Variants in OBSL1 observed in about 807,000 individuals in gnomAD.
OBSL1 encodes the protein obscurin-like protein 1.
In OBSL1, 160 loss-of-function variants were observed where a neutral mutation model predicts 172.0. The observed-to-expected ratio is 0.93, with a 90% CI of 0.82 to 1.06. OBSL1 has a LOEUF of 1.06. Ranked by LOEUF, OBSL1 falls within the 50% of genes least tolerant of loss-of-function variation. The probability of loss-of-function intolerance (pLI) is 0.00; values close to 1 mark genes in which losing one functional copy is unlikely to be tolerated. For missense variants in OBSL1, 2,681 were observed against 2,715.4 expected, an observed-to-expected ratio of 0.99 and a Z score of 0.28; for synonymous variants, 1,200 against 1,196.3, an observed-to-expected ratio of 1.00 and a Z score of -0.06.
At chr2:219,570,200 A>G in intron 1 of OBSL1, 21 bp downstream of exon 1, 1 of 1,512,048 alleles carries the variant, frequency 6.6e-7, no homozygotes, top group Non-Finnish European at 8.8e-7. Flanking sequence ...GCCCCTCCCT[A>G]GGTCCCGGGC....
At chr2:219,547,739 C>T (rs1181565100), downstream of OBSL1, 1 of 1,592,266 alleles carries the variant, frequency 6.3e-7, no homozygotes, top group Non-Finnish European at 8.5e-7. Flanking sequence ...AGCTGCTGCC[C>T]TGCTGGGCTC....
At chr2:219,549,177 C>A (rs146490860), downstream of OBSL1, 4 of 1,613,944 alleles carry the variant, frequency 2.5e-6, no homozygotes, top group South Asian at 1.1e-5. Context: ...AGCGCCGACG[C>A]GTGCAACTGA....
rs1374131088 is a variant in OBSL1, at chr2:219,552,991, G to C, written c.5023C>G (p.Arg1675Gly). 1 of 1,527,116 alleles carries C rather than the reference G, an allele frequency of 6.5e-7. No individual in the cohort carries two copies. The highest frequency in any genetic ancestry group is 8.8e-7 in the Non-Finnish European group (1 of 1,142,008). 94.6% of individuals were successfully genotyped at this position (1,527,116 alleles called of 1,614,324 possible). A position where few individuals can be genotyped will look rare whatever the true frequency, so the allele number is the denominator to read the frequency against. The part of the protein sequence containing the change: ...GNALTPSPRL[R>G]LQALGTRRLL... ...CGGCGCGTGCCGAGGGCCTGGAGCC[G>C]GAGCCGCGGGCTAGGCGTAAGCGCG... is the stretch of plus-strand genomic sequence containing the variant. The change falls in exon 17 of 21, where the codon CGG (arginine) becomes GGG (glycine). Residue 1675 changes from arginine (R) to glycine (G), a missense_variant. Physicochemically the swap from Arg to Gly is moderately radical, Grantham distance 125. Transcript: ENST00000404537.
At position 219,552,609 on chromosome 2, in the gene OBSL1, G is replaced by A; in HGVS notation, c.5235C>T (p.Val1745=). The A allele has an allele frequency of 6.3e-7, 1 of 1,577,078 alleles. No homozygotes were observed. Among genetic ancestry groups the A allele is most frequent in the Non-Finnish European group, 8.6e-7 (1 of 1,167,938 alleles). The change falls in exon 18 of 21, where the codon GTC becomes GTT. Residue 1745 remains valine, a synonymous_variant. Coordinates refer to ENST00000404537, the MANE Select transcript of OBSL1 (RefSeq NM_015311.3). ...CGAGCTCCCAGCGCCCCGTGGTCTC[G>A]ACCTCCGACACGGTGCACTCGAACG... ...GATFECTVSE[V]ETTGRWELGG...
Position 219,557,363 on chromosome 2 carries a change from A to T in OBSL1, c.4046T>A (p.Ile1349Asn). The T allele has an allele frequency of 6.6e-7, 1 of 1,510,516 alleles. No individual in the cohort carries two copies. Among genetic ancestry groups the T allele is most frequent in the Admixed American group, 2.1e-5 (1 of 48,758 alleles). The allele number at this position is 1,510,516 out of a possible 1,614,324, so 93.6% of individuals were successfully genotyped here. A position where few individuals can be genotyped will look rare whatever the true frequency, so the allele number is the denominator to read the frequency against. Reference protein sequence around the residue: ...YLCDAPQDSRIFLVSVEEPLL... With the variant: ...YLCDAPQDSRNFLVSVEEPLL... ...GTTACCTTCCACGCTGACAAGGAAG[A>T]TGCGGCTGTCCTGGGGCGCATCGCA... The change falls in exon 12 of 21, where the codon ATC (isoleucine) becomes AAC (asparagine). Residue 1349 changes from isoleucine (I) to asparagine (N), a missense_variant. Transcript: ENST00000404537.
intron 9 of OBSL1, 30 bp downstream of exon 9, chr2:219,559,195 C>T (rs780873316): frequency 3.8e-6 from 6 of 1,567,180 alleles, no homozygotes; most frequent in Non-Finnish European, 5.2e-6. Flanking sequence ...TACCTCTCTA[C>T]CTCCTCTCTG....
At position 219,570,805 on chromosome 2, in the gene OBSL1, GC is replaced by G. The variant is rs1292663596; in HGVS notation, c.427del (p.Ala143ArgfsTer5). The G allele has an allele frequency of 4.0e-6, 6 of 1,489,726 alleles. No individual in the cohort carries two copies. The highest frequency in any genetic ancestry group is 2.9e-5 in the East Asian group (1 of 34,174). The allele number at this position is 1,489,726 out of a possible 1,614,324, so 92.3% of individuals were successfully genotyped here. ...GPRSQWVLRG[A>X]EVVLTCRAGG... ...CGCCCGGCACGTCAGCACCACCTCCGCCCCCCGCAGCACCCACTGGGATCGA... is the reference window on the plus strand; with the variant it reads ...CGCCCGGCACGTCAGCACCACCTCCGCCCCCGCAGCACCCACTGGGATCGA... On this transcript the variant is annotated frameshift_variant, in exon 1 of 21. Coordinates refer to ENST00000404537, the MANE Select transcript of OBSL1 (RefSeq NM_015311.3). LOFTEE classifies it high-confidence loss of function.
At position 219,557,935 on chromosome 2, in the gene OBSL1, G is replaced by A. The variant is rs1444575773; in HGVS notation, c.3678C>T (p.Pro1226=). The change falls in exon 11 of 21, where the codon CCC becomes CCT. Residue 1226 remains proline, a synonymous_variant. Transcript: ENST00000404537. The part of the protein sequence containing the change: ...GEGLELHAEG[P]RRVLCIQAAG... Reference sequence around the variant, plus strand: ...CAGCCTGGATGCAGAGGACTCGGCGGGGGCCCTCGGCATGGAGCTCTAGGC... The same window carrying A: ...CAGCCTGGATGCAGAGGACTCGGCGAGGGCCCTCGGCATGGAGCTCTAGGC... The A allele has an allele frequency of 6.2e-7, 1 of 1,605,646 alleles. No individual in the cohort carries two copies. The highest frequency in any genetic ancestry group is 2.2e-5 in the East Asian group (1 of 44,826).
intron 8 of OBSL1, chr2:219,561,894 C>T: frequency 4.2e-6 from 3 of 717,444 alleles, no homozygotes; most frequent in Middle Eastern, 4.6e-4. Context: ...CTACTCAGTG[C>T]CAGCTGTTCG....
intron 6 of OBSL1, among the ~76,000 whole-genome samples, 164 bp downstream of exon 6, chr2:219,565,078 A>G (rs1381868770): frequency 6.6e-6 from 1 of 152,210 alleles, no homozygotes; most frequent in African/African-American, 2.4e-5. Context: ...AAAAAAAACA[A>G]GAAACAAAAA....
chr2:219,563,498 T>C lies in OBSL1; in HGVS notation c.2537A>G (p.Glu846Gly). Residue 846 changes from glutamate to glycine, a missense_variant, in exon 7 of 21, where the codon GAG (glutamate) becomes GGG (glycine). By Grantham distance (98) the Glu-to-Gly change is moderately conservative. This residue lies in a region of OBSL1 where 1,765 missense variants were observed against 1,748.3 expected (regional missense o/e 1.01). Transcript: ENST00000404537. The part of the protein sequence containing the change: ...APVRWYKDGQ[E>G]VEESDFVVLE... Reference sequence around the variant, plus strand: ...CACCACGAAGTCACTCTCCTCCACCTCCTGCCCGTCCTTGTACCAACGCAC... The same window carrying C: ...CACCACGAAGTCACTCTCCTCCACCCCCTGCCCGTCCTTGTACCAACGCAC... 1 of 1,613,694 alleles carries C rather than the reference T, an allele frequency of 6.2e-7. No homozygotes were observed. The highest frequency in any genetic ancestry group is 8.5e-7 in the Non-Finnish European group (1 of 1,179,820).
chr2:219,556,656 C>A lies in OBSL1; in HGVS notation c.4134G>T (p.Thr1378=), dbSNP rs781561827. The change falls in exon 13 of 21, where the codon ACG becomes ACT. Residue 1378 remains threonine, a synonymous_variant. Transcript: ENST00000404537. Reference sequence around the variant, plus strand: ...CTGGTGGGGAGACTTCACACCGGAACGTGGCATCATCGCCCTCGTGGACAG... The same window carrying A: ...CTGGTGGGGAGACTTCACACCGGAAAGTGGCATCATCGCCCTCGTGGACAG... ...PLTVHEGDDA[T]FRCEVSPPDA... 6.2e-7 allele frequency: 1 copy of A among 1,612,814 alleles called. No homozygotes were observed. Among genetic ancestry groups the A allele is most frequent in the Admixed American group, 1.7e-5 (1 of 60,002 alleles).
rs968522737 is a variant in OBSL1, at chr2:219,569,924, T to C, written c.1012+297A>G. Among the ~76,000 whole-genome samples the C allele has an allele frequency of 6.6e-6, 1 of 152,210 alleles. No homozygotes were observed. Among genetic ancestry groups the C allele is most frequent in the African/African-American group, 2.4e-5 (1 of 41,448 alleles). On this transcript the variant is annotated intron_variant, in intron 1 of 20. Transcript: ENST00000404537. ...AAATAACAAAGACGTTGAAAACCAC[T>C]AGGGAAGAAGAGTTCTAGGGCCCTC...
At chr2:219,547,258 C>G (rs531886874), downstream of OBSL1, 30 of 393,552 alleles carry the variant, frequency 7.6e-5, no homozygotes, top group Non-Finnish European at 1.2e-4. Context: ...TCAAATACAT[C>G]AACCCTCATG....
In OBSL1 at chr2:219,563,420, G is replaced by A; in HGVS notation, c.2615C>T (p.Ser872Leu). The A allele has an allele frequency of 6.2e-7, 1 of 1,610,968 alleles. No individual in the cohort carries two copies. The highest frequency in any genetic ancestry group is 8.5e-7 in the Non-Finnish European group (1 of 1,178,066). ...GACGCACTGAAACTCGCCCCCGTCTGAGGGCTGGGTGGCGGGCAGCACCAG... is the reference window on the plus strand; with the variant it reads ...GACGCACTGAAACTCGCCCCCGTCTAAGGGCTGGGTGGCGGGCAGCACCAG... ...RRLVLPATQPSDGGEFQCVAG... is the reference protein window; with the variant it reads ...RRLVLPATQPLDGGEFQCVAG... The change falls in exon 7 of 21, where the codon TCA becomes TTA. Residue 872 changes from serine to leucine, a missense_variant. Physicochemically the swap from Ser to Leu is moderately radical, Grantham distance 145 (BLOSUM62 -2). Coordinates refer to ENST00000404537, the MANE Select transcript of OBSL1 (RefSeq NM_015311.3).
rs1695615360 is a variant in OBSL1 at position 219,551,604 on chromosome 2, C to T, written c.5608G>A (p.Val1870Ile). ...GPTHSLVIHDVRPEDQGTYCC... is the reference protein window; with the variant it reads ...GPTHSLVIHDIRPEDQGTYCC... ...TAAGTGCCTTGGTCCTCAGGTCGAA[C>T]GTCATGGATGACCAGGCTGTGGGTG... The change falls in exon 20 of 21, where the codon GTT (valine) becomes ATT (isoleucine). Residue 1870 changes from valine to isoleucine, a missense_variant. Coordinates refer to ENST00000404537, the MANE Select transcript of OBSL1 (RefSeq NM_015311.3). The T allele has an allele frequency of 3.1e-6, 5 of 1,610,998 alleles. No homozygotes were observed. The highest frequency in any genetic ancestry group is 4.2e-6 in the Non-Finnish European group (5 of 1,178,748).
At chr2:219,552,442 G>T in intron 18 of OBSL1, 94 bp downstream of exon 18, 1 of 1,339,212 alleles carries the variant, frequency 7.5e-7, no homozygotes, top group Non-Finnish European at 1.0e-6. Flanking sequence ...GGGGCCCGTC[G>T]GAGCCAGGGG....
At chr2:219,562,064 T>C (rs1473602532) in intron 8 of OBSL1, 26 of 708,768 alleles carry the variant, frequency 3.7e-5, no homozygotes, top group South Asian at 2.8e-4. Flanking sequence ...GACTACCCGT[T>C]TGCGACCCCT....
At position 219,551,122 on chromosome 2, in the gene OBSL1, TG is replaced by T. The variant is rs1695583982; in HGVS notation, c.5684-281del. 6 of 1,399,098 alleles carry T rather than the reference TG, an allele frequency of 4.3e-6. No homozygotes were observed. The South Asian group carries it at 9.4e-5, about 22-fold the overall frequency. The allele number at this position is 1,399,098 out of a possible 1,614,324, so 86.7% of individuals were successfully genotyped here. ...AAAGAGGCTTCTGCCAAGGCTGACA[TG>T]GAACTTGCTGAGATGGGCAGAGGCA... On this transcript the variant is annotated intron_variant, in intron 20 of 20. Transcript: ENST00000404537.
Sources: allele counts gnomAD v4.1 joint callset (sites outside exome capture counted in the v4.1 genomes callset), GRCh38; gene constraint gnomAD v4.1.1; regional missense constraint gnomAD v4.1.1; transcripts MANE v1.5; gene names NCBI Gene and HGNC (gene_info 2026-07-23, HGNC 2026-07-21).